CDC42BPB: variants seen among roughly 807,000 people sequenced by gnomAD.
CDC42BPB encodes the protein serine/threonine-protein kinase MRCK beta.
CDC42BPB carries 37 observed loss-of-function variants against 214.9 expected under a neutral mutation model. The ratio of observed to expected loss-of-function variants is 0.17; its 90% CI spans 0.13 to 0.23. The LOEUF is 0.23. Among genes scored for constraint, CDC42BPB ranks in the 10% least tolerant of loss-of-function variants. CDC42BPB has a pLI of 1.00. For synonymous variants in CDC42BPB, 931 were observed against 884.0 expected (o/e 1.05, Z -0.94); for missense variants, 1,694 against 2,227.0 (o/e 0.76, Z 4.82).
intron 1 of CDC42BPB, chr14:103,041,836 AC>A: frequency 2.5e-6 from 1 of 399,654 alleles, no homozygotes; most frequent in Non-Finnish European, 4.9e-6. Context: ...CTCCAACCTC[AC>A]CCTCTACCCC....
In CDC42BPB at chr14:102,932,892, A is replaced by AGGGGGGGG. The variant is rs1566832723; in HGVS notation, c.*819_*820insCCCCCCCC. The AGGGGGGGG allele has an allele frequency of 6.7e-4, 3 of 4,456 alleles. No individual in the cohort carries two copies. The highest frequency in any genetic ancestry group is 2.0e-3 in the Admixed American group (1 of 510). The allele number at this position is 4,456 out of a possible 1,614,324, so 0.3% of individuals were successfully genotyped here. A position where few individuals can be genotyped will look rare whatever the true frequency, so the allele number is the denominator to read the frequency against. On this transcript the variant is annotated 3_prime_UTR_variant, in exon 37 of 37. Coordinates refer to ENST00000361246, the MANE Select transcript of CDC42BPB (RefSeq NM_006035.4). The stretch of plus-strand genomic sequence containing the variant: ...AGGACTGGTGGGGGGGGGGGCGGGC[A>AGGGGGGGG]GGGCGGGGCGGGGTGGGGTATCCCA...
In CDC42BPB at chr14:102,991,050, TA is replaced by T. The variant is rs374407110; in HGVS notation, c.597-4471del. 4.8e-4 allele frequency among the ~76,000 whole-genome samples: 73 copies of T among 152,372 alleles called. 1 individual carries two copies. In the East Asian group the frequency reaches 0.011, roughly 22 times the overall value. On this transcript the variant is annotated intron_variant, in intron 5 of 36. Coordinates refer to ENST00000361246, the MANE Select transcript of CDC42BPB (RefSeq NM_006035.4). Reference sequence around the variant, plus strand: ...CTAGGCAAAATTCATTAATGGGTACTAAATCTCTGGAGGAAATTTTAAAGAG... The same window carrying T: ...CTAGGCAAAATTCATTAATGGGTACTAATCTCTGGAGGAAATTTTAAAGAG...
chr14:102,934,329 TTGGG>T, intron 36 of CDC42BPB, among the ~76,000 whole-genome samples: 1 of 151,758 alleles, frequency 6.6e-6, no homozygotes, highest in Non-Finnish European at 1.5e-5. Flanking sequence ...AGTCAGGAGA[TTGGG>T]ACCATCCTGG....
rs558910728 is a variant in CDC42BPB at position 102,983,961 on chromosome 14, C to T, written c.691-205G>A. On this transcript the variant is annotated intron_variant, in intron 6 of 36. Transcript: ENST00000361246. ...CCTCAGCTACTTGGGAGGCTGAGGC[C>T]GGAGAACCGCTTGAGCCCAGGAGCT... 157 of 905,668 alleles carry T rather than the reference C, an allele frequency of 1.7e-4. No homozygotes were observed. The African/African-American group carries it at 1.9e-3, about 11-fold the overall frequency. The allele number at this position is 905,668 out of a possible 1,614,324, so 56.1% of individuals were successfully genotyped here. A position where few individuals can be genotyped will look rare whatever the true frequency, so the allele number is the denominator to read the frequency against.
At chr14:102,970,975 C>T (rs187395923) in intron 13 of CDC42BPB, among the ~76,000 whole-genome samples, 27 of 152,328 alleles carry the variant, frequency 1.8e-4, no homozygotes, top group African/African-American at 5.5e-4. Context: ...AACTAAGCAT[C>T]GCTTACAATA....
chr14:103,018,530 G>A (rs1025270860), intron 1 of CDC42BPB, among the ~76,000 whole-genome samples: 4 of 152,134 alleles, frequency 2.6e-5, no homozygotes, highest in African/African-American at 4.8e-5. Flanking sequence ...AAGTCGCATC[G>A]ATAGTGTTGG....
At chr14:103,018,130 T>G (rs1383625391) in intron 1 of CDC42BPB, among the ~76,000 whole-genome samples, 6 of 152,132 alleles carry the variant, frequency 3.9e-5, no homozygotes, top group African/African-American at 1.4e-4. Context: ...CAGTTCACAA[T>G]AGGGTTCGTG....
Position 102,952,543 on chromosome 14 carries a change from T to C in CDC42BPB, c.3127A>G (p.Thr1043Ala). 6.2e-7 allele frequency: 1 copy of C among 1,613,766 alleles called. No individual in the cohort carries two copies. The highest frequency in any genetic ancestry group is 8.5e-7 in the Non-Finnish European group (1 of 1,179,882). Residue 1043 changes from threonine (T) to alanine (A), a missense_variant, in exon 24 of 37, where the codon ACC becomes GCC. This residue lies in a region of CDC42BPB where 567 missense variants were observed against 790.3 expected (regional missense o/e 0.72). Coordinates refer to ENST00000361246, the MANE Select transcript of CDC42BPB (RefSeq NM_006035.4). ...CGGATCAGCCCAACCATCAGGGAGG[T>C]GCAGTGGCTGCACTGAGTAGGGCTG... is the stretch of plus-strand genomic sequence containing the variant. ...FSSPTQCSHC[T>A]SLMVGLIRQG...
intron 1 of CDC42BPB, among the ~76,000 whole-genome samples, chr14:103,050,607 A>G (rs1050500888): frequency 6.0e-5 from 9 of 150,298 alleles, no homozygotes; most frequent in African/African-American, 2.2e-4. Context: ...AAAATAAAAA[A>G]TTAGCCAGGT....
chr14:103,016,548 G>C (rs1020779088), intron 1 of CDC42BPB, among the ~76,000 whole-genome samples: 5 of 150,756 alleles, frequency 3.3e-5, no homozygotes, highest in African/African-American at 1.2e-4. Flanking sequence ...GAGGGAACCA[G>C]GTGAGGGGAG....
Position 102,978,212 on chromosome 14 carries a change from A to G in CDC42BPB, c.1141-7T>C, listed in dbSNP as rs1259298387. On this transcript the variant is annotated splice_polypyrimidine_tract_variant and splice_region_variant and intron_variant, in intron 8 of 36. Coordinates refer to ENST00000361246, the MANE Select transcript of CDC42BPB (RefSeq NM_006035.4). ...AACCAGGAGGTAATATTTCCTGCAT[A>G]AGAACATATACAACACAAATGAAAT... is the stretch of plus-strand genomic sequence containing the variant. The G allele has an allele frequency of 6.2e-7, 1 of 1,610,284 alleles. No homozygotes were observed. Among genetic ancestry groups the G allele is most frequent in the South Asian group, 1.1e-5 (1 of 91,008 alleles).
At chr14:103,036,901 C>T (rs137991686) in intron 1 of CDC42BPB, among the ~76,000 whole-genome samples, 66 of 152,244 alleles carry the variant, frequency 4.3e-4, no homozygotes, top group African/African-American at 1.3e-3. Flanking sequence ...ACTGCAGCCT[C>T]GACCTCCCAG....
Position 103,056,998 on chromosome 14 carries a change from C to A in CDC42BPB, c.175+1G>T. 6.9e-7 allele frequency: 1 copy of A among 1,453,348 alleles called. No individual in the cohort carries two copies. Among genetic ancestry groups the A allele is most frequent in the Non-Finnish European group, 9.1e-7 (1 of 1,102,904 alleles). The allele number at this position is 1,453,348 out of a possible 1,614,324, so 90.0% of individuals were successfully genotyped here. A position where few individuals can be genotyped will look rare whatever the true frequency, so the allele number is the denominator to read the frequency against. On this transcript the variant is annotated splice_donor_variant, in intron 1 of 36. Transcript: ENST00000361246. LOFTEE classifies it high-confidence loss of function. ...GTCCGGCCCTGCCGGCGCGCACTTA[C>A]CCCACTCGAGGAACTCGGCCACGTA...
chr14:102,933,511 C>T lies in CDC42BPB; in HGVS notation c.*201G>A, dbSNP rs115854678. On this transcript the variant is annotated 3_prime_UTR_variant, in exon 37 of 37. Transcript: ENST00000361246. ...GGAACAGCATCGCCTCACAGCTGTGCAGACGAACAGATGTGGTCTACTGCC... is the reference window on the plus strand; with the variant it reads ...GGAACAGCATCGCCTCACAGCTGTGTAGACGAACAGATGTGGTCTACTGCC... 290 of 466,494 alleles carry T rather than the reference C, an allele frequency of 6.2e-4. No individual in the cohort carries two copies. Among genetic ancestry groups the T allele is most frequent in the African/African-American group, 5.0e-3 (247 of 49,150 alleles). The allele number at this position is 466,494 out of a possible 1,614,324, so 28.9% of individuals were successfully genotyped here. A position where few individuals can be genotyped will look rare whatever the true frequency, so the allele number is the denominator to read the frequency against.
chr14:102,983,462 T>C (rs564021956), intron 7 of CDC42BPB, 94 bp downstream of exon 7: 824 of 1,549,144 alleles, frequency 5.3e-4, no homozygotes, highest in Non-Finnish European at 6.7e-4. Flanking sequence ...ACTACTCGCG[T>C]TGCTTCCTAA....
intron 19 of CDC42BPB, 77 bp downstream of exon 19, chr14:102,964,425 A>C: frequency 6.5e-7 from 1 of 1,534,668 alleles, no homozygotes; most frequent in Non-Finnish European, 8.8e-7. Flanking sequence ...GGAGCATCGG[A>C]GCCCGTGAGG....
intron 36 of CDC42BPB, among the ~76,000 whole-genome samples, chr14:102,935,118 G>A (rs984597050): frequency 3.9e-5 from 6 of 152,194 alleles, no homozygotes; most frequent in East Asian, 1.9e-4. Context: ...TAGGCAGAGC[G>A]ATCAGGGAAG....
At chr14:103,031,535 A>G (rs1461995092) in intron 1 of CDC42BPB, among the ~76,000 whole-genome samples, 2 of 152,264 alleles carry the variant, frequency 1.3e-5, no homozygotes, top group African/African-American at 2.4e-5. Flanking sequence ...CAAACGCTGC[A>G]GTAAAAATAC....
At chr14:103,037,960 C>T (rs537395957) in intron 1 of CDC42BPB, among the ~76,000 whole-genome samples, 144 of 148,278 alleles carry the variant, frequency 9.7e-4, no homozygotes, top group African/African-American at 3.3e-3. Flanking sequence ...ACCCGGGAGA[C>T]GGAGCTTGCA....
Sources: gnomAD v4.1 joint callset for allele counts (sites outside exome capture counted in the v4.1 genomes callset) on GRCh38, gnomAD v4.1.1 for gene constraint, gnomAD v4.1.1 regional missense constraint, MANE v1.5 for transcripts, NCBI Gene and HGNC (gene_info 2026-07-23, HGNC 2026-07-21) for gene names.